CHN1: variants seen among roughly 807,000 people sequenced by gnomAD.
The protein encoded by CHN1 is chimerin 1.
In CHN1, 37 loss-of-function variants were observed where a neutral mutation model predicts 59.5. The observed-to-expected ratio is 0.62, with a 90% confidence interval of 0.48 to 0.82. CHN1 has a LOEUF of 0.82. Among genes scored for constraint, CHN1 ranks in the 40% least tolerant of loss-of-function variants. The pLI is 0.00. For missense variants in CHN1, 469 were observed against 571.0 expected (o/e 0.82, Z 1.82); for synonymous variants, 206 against 200.4 (o/e 1.03, Z -0.24).
chr2:174,873,230 T>C (rs972755986), intron 6 of CHN1, among the ~76,000 whole-genome samples: 16 of 152,086 alleles, frequency 1.1e-4, no homozygotes, highest in Admixed American at 3.9e-4. Flanking sequence ...ACAAGCCACA[T>C]TGGAGACTTA....
intron 11 of CHN1, among the ~76,000 whole-genome samples, chr2:174,803,247 A>G (rs1684784956): frequency 6.6e-6 from 1 of 152,212 alleles, no homozygotes; most frequent in South Asian, 2.1e-4. Flanking sequence ...CGTGAGATGA[A>G]TGTAAAAATT....
intron 1 of CHN1, among the ~76,000 whole-genome samples, chr2:175,002,688 T>C: frequency 6.6e-6 from 1 of 152,158 alleles, no homozygotes; most frequent in Middle Eastern, 3.2e-3. Flanking sequence ...GCCCTGGCAG[T>C]CGTTACTCTG....
chr2:174,899,608 T>G (rs1574142472), intron 5 of CHN1, among the ~76,000 whole-genome samples: 1 of 152,240 alleles, frequency 6.6e-6, no homozygotes, highest in Non-Finnish European at 1.5e-5. Context: ...CTGCAATGCC[T>G]AAAATATTTA....
intron 1 of CHN1, among the ~76,000 whole-genome samples, chr2:175,000,246 A>G (rs993937486): frequency 1.4e-5 from 2 of 146,926 alleles, no homozygotes; most frequent in African/African-American, 5.1e-5. Context: ...GGTTCAAGCG[A>G]TTCTCCTGCT....
At chr2:174,979,711 T>C (rs1691076766) in intron 1 of CHN1, among the ~76,000 whole-genome samples, 1 of 151,798 alleles carries the variant, frequency 6.6e-6, no homozygotes, top group South Asian at 2.1e-4. Context: ...TGAAACCCCA[T>C]CTCTACTAAA....
At chr2:174,906,375 T>C (rs998719829) in intron 5 of CHN1, among the ~76,000 whole-genome samples, 5 of 152,158 alleles carry the variant, frequency 3.3e-5, no homozygotes, top group Non-Finnish European at 7.3e-5. Flanking sequence ...TATAATGTCA[T>C]TTATATGAAA....
intron 1 of CHN1, among the ~76,000 whole-genome samples, chr2:174,990,179 T>C (rs1010184096): frequency 2.6e-5 from 4 of 151,686 alleles, no homozygotes; most frequent in African/African-American, 9.7e-5. Context: ...TTCCTTCCCA[T>C]TGCTCCTGAC....
chr2:174,894,100 G>A (rs756258847), intron 5 of CHN1, among the ~76,000 whole-genome samples: 6 of 151,050 alleles, frequency 4.0e-5, no homozygotes, highest in African/African-American at 1.2e-4. Flanking sequence ...AGTAACAAGA[G>A]CAAAAACAGA....
At chr2:174,802,490 G>A (rs1684758128) in intron 11 of CHN1, among the ~76,000 whole-genome samples, 1 of 152,200 alleles carries the variant, frequency 6.6e-6, no homozygotes, top group Admixed American at 6.5e-5. Flanking sequence ...CAAATGTTTT[G>A]CCTGATGGCG....
chr2:174,832,332 C>T (rs1446599267), intron 7 of CHN1, among the ~76,000 whole-genome samples: 1 of 151,900 alleles, frequency 6.6e-6, no homozygotes, highest in Non-Finnish European at 1.5e-5. Context: ...TTTAATACTG[C>T]CTTTCCTTAA....
chr2:174,886,648 C>G (rs978299431), intron 5 of CHN1, among the ~76,000 whole-genome samples: 19 of 152,226 alleles, frequency 1.2e-4, no homozygotes, highest in African/African-American at 4.1e-4. Flanking sequence ...CCATTTATTT[C>G]CAGCTTCAGG....
intron 1 of CHN1, among the ~76,000 whole-genome samples, chr2:175,000,474 C>T (rs1194485481): frequency 2.0e-5 from 3 of 151,926 alleles, no homozygotes; most frequent in East Asian, 3.9e-4. Flanking sequence ...GACAAAATCT[C>T]GCTCTGTCTC....
In CHN1 at chr2:175,005,269, C is replaced by T. The variant is rs1574266268; in HGVS notation, c.-357G>A. On this transcript the variant is annotated 5_prime_UTR_variant, in exon 1 of 13. Transcript: ENST00000409900. Reference sequence around the variant, plus strand: ...CGGAGAGGCGGCGCCGCACTGGCGGCGGCGGCGGCGGCGACGGGGAGAGCA... The same window carrying T: ...CGGAGAGGCGGCGCCGCACTGGCGGTGGCGGCGGCGGCGACGGGGAGAGCA... 2.6e-6 allele frequency: 3 copies of T among 1,163,104 alleles called. No homozygotes were observed. The highest frequency in any genetic ancestry group is 4.9e-5 in the Admixed American group (1 of 20,484). 72.0% of individuals were successfully genotyped at this position (1,163,104 alleles called of 1,614,324 possible). A position where few individuals can be genotyped will look rare whatever the true frequency, so the allele number is the denominator to read the frequency against.
At chr2:174,969,900 T>G (rs1453111921) in intron 1 of CHN1, among the ~76,000 whole-genome samples, 1 of 152,142 alleles carries the variant, frequency 6.6e-6, no homozygotes, top group Non-Finnish European at 1.5e-5. Context: ...CTAAGACCCT[T>G]TCAGGAGAGG....
chr2:174,802,456 C>A (rs944906892), intron 11 of CHN1, among the ~76,000 whole-genome samples: 69 of 152,282 alleles, frequency 4.5e-4, no homozygotes, highest in African/African-American at 1.6e-3. Context: ...CAGAAGAATG[C>A]ACGGCAGACT....
rs1482665085 is a variant in CHN1 at position 174,811,999 on chromosome 2, A to AAAAG, written c.886+309_886+310insCTTT. On this transcript the variant is annotated intron_variant, in intron 9 of 12. Transcript: ENST00000409900. Reference sequence around the variant, plus strand: ...GAGCATTTATACTTTTGCTTTTTGAACCAAAGAAAAATTTAAAAACTGAAA... The same window carrying AAAAG: ...GAGCATTTATACTTTTGCTTTTTGAAAAAGCCAAAGAAAAATTTAAAAACTGAAA... 3.7e-5 allele frequency: 10 copies of AAAAG among 271,362 alleles called. No individual in the cohort carries two copies. The East Asian group carries it at 6.7e-4, about 18-fold the overall frequency. 16.8% of individuals were successfully genotyped at this position (271,362 alleles called of 1,614,324 possible).
intron 6 of CHN1, among the ~76,000 whole-genome samples, chr2:174,876,673 G>A (rs982720886): frequency 1.3e-5 from 2 of 152,160 alleles, no homozygotes; most frequent in Non-Finnish European, 2.9e-5. Context: ...ACTAAAATTT[G>A]AGCTGGACAC....
At chr2:174,851,900 A>G (rs528135027) in intron 6 of CHN1, among the ~76,000 whole-genome samples, 6 of 152,328 alleles carry the variant, frequency 3.9e-5, no homozygotes, top group East Asian at 1.9e-4. Flanking sequence ...TGATTTTACG[A>G]AGGTTTCAGT....
chr2:174,834,671 A>G (rs775420590), intron 7 of CHN1, among the ~76,000 whole-genome samples: 9 of 152,144 alleles, frequency 5.9e-5, no homozygotes, highest in Non-Finnish European at 1.2e-4. Context: ...ACTGCTTTTA[A>G]AAAAAACTTT....
Sources: gnomAD v4.1 joint callset for allele counts (sites outside exome capture counted in the v4.1 genomes callset) on GRCh38, gnomAD v4.1.1 for gene constraint, MANE v1.5 for transcripts, NCBI Gene and HGNC (gene_info 2026-07-23, HGNC 2026-07-21) for gene names.